EXOC4: variants seen among roughly 807,000 people sequenced by gnomAD.
EXOC4 encodes exocyst complex component 4.
Under a neutral mutation model 107.2 loss-of-function variants are expected in EXOC4, and 71 were observed. That is an observed-to-expected ratio of 0.66 (90% CI 0.55 to 0.81). The LOEUF is 0.81. Ranked by LOEUF, EXOC4 falls within the 30% of genes least tolerant of loss-of-function variation. EXOC4 has a pLI of 0.00. For synonymous variants in EXOC4, 456 were observed against 441.2 expected (o/e 1.03, Z -0.42); for missense variants, 1,108 against 1,189.6 (o/e 0.93, Z 1.01).
intron 11 of EXOC4, among the ~76,000 whole-genome samples, chr7:133,866,738 T>A (rs1798649104): frequency 6.6e-6 from 1 of 152,216 alleles, no homozygotes; most frequent in African/African-American, 2.4e-5. Flanking sequence ...GTGCCAGCTT[T>A]ACTGAGATAA....
rs1349724374 is a variant in EXOC4 at position 133,257,427 on chromosome 7, T to G, written c.86+4240T>G. On this transcript the variant is annotated intron_variant, in intron 1 of 17. Transcript: ENST00000253861. ...TTTCTACTTTTCTGTTGATTTCCTT[T>G]GCCAACCTTTTGTTTGGTGGGAAGT... Among the ~76,000 whole-genome samples, 3 of 152,164 alleles carry G rather than the reference T, an allele frequency of 2.0e-5. No individual in the cohort carries two copies. The East Asian group carries it at 5.8e-4, about 29-fold the overall frequency.
At chr7:134,049,934 C>G (rs1304871989) in intron 17 of EXOC4, among the ~76,000 whole-genome samples, 1 of 152,154 alleles carries the variant, frequency 6.6e-6, no homozygotes, top group Non-Finnish European at 1.5e-5. Context: ...TTAATAAATA[C>G]TAATAATGGT....
At chr7:133,592,588 G>A (rs925286272) in intron 9 of EXOC4, among the ~76,000 whole-genome samples, 4 of 151,996 alleles carry the variant, frequency 2.6e-5, no homozygotes, top group Admixed American at 6.6e-5. Flanking sequence ...AATTACAGGC[G>A]TGTGCCACCA....
At chr7:133,738,292 A>G (rs1440485890) in intron 10 of EXOC4, among the ~76,000 whole-genome samples, 2 of 152,060 alleles carry the variant, frequency 1.3e-5, no homozygotes, top group Admixed American at 6.6e-5. Context: ...AACAATGTCA[A>G]TCTATTTGAG....
At position 133,317,281 on chromosome 7, in the gene EXOC4, C is replaced by T. The variant is rs1795010850; in HGVS notation, c.657-3C>T. 1.9e-6 allele frequency: 3 copies of T among 1,608,168 alleles called. No homozygotes were observed. The highest frequency in any genetic ancestry group is 2.6e-6 in the Non-Finnish European group (3 of 1,174,896). On this transcript the variant is annotated splice_region_variant and splice_polypyrimidine_tract_variant and intron_variant, in intron 4 of 17. Coordinates refer to ENST00000253861, the MANE Select transcript of EXOC4 (RefSeq NM_021807.4). ...GGTAACTAGTGCTTCTTTTCCCGTT[C>T]AGCTCCCTCGTGAAAGATGCTTCTG... is the stretch of plus-strand genomic sequence containing the variant.
chr7:133,605,305 TA>T (rs1801914328), intron 9 of EXOC4, among the ~76,000 whole-genome samples: 1 of 152,166 alleles, frequency 6.6e-6, no homozygotes, highest in Non-Finnish European at 1.5e-5. Flanking sequence ...ATAAAATTTA[TA>T]ATATAATATT....
At chr7:133,967,100 A>G (rs1345661487) in intron 14 of EXOC4, among the ~76,000 whole-genome samples, 1 of 152,110 alleles carries the variant, frequency 6.6e-6, no homozygotes, top group African/African-American at 2.4e-5. Flanking sequence ...TGGATTTTCT[A>G]GTTTATTCAC....
intron 11 of EXOC4, among the ~76,000 whole-genome samples, chr7:133,861,872 G>A (rs1231372555): frequency 6.6e-6 from 1 of 152,166 alleles, no homozygotes; most frequent in Non-Finnish European, 1.5e-5. Context: ...GGGTGATTCT[G>A]TTGAAGGTGT....
intron 10 of EXOC4, among the ~76,000 whole-genome samples, chr7:133,658,926 T>G (rs753047917): frequency 6.6e-6 from 1 of 151,702 alleles, no homozygotes; most frequent in Non-Finnish European, 1.5e-5. Flanking sequence ...GATCTTTTGG[T>G]TTAGTTTCAG....
chr7:133,411,048 G>T (rs1797343980), intron 7 of EXOC4, among the ~76,000 whole-genome samples: 1 of 152,090 alleles, frequency 6.6e-6, no homozygotes, highest in South Asian at 2.1e-4. Context: ...CACTACATTG[G>T]ATGGGACTGT....
At chr7:133,589,750 G>A (rs1385636774) in intron 9 of EXOC4, among the ~76,000 whole-genome samples, 3 of 152,156 alleles carry the variant, frequency 2.0e-5, no homozygotes, top group Non-Finnish European at 4.4e-5. Flanking sequence ...CTCACAAATG[G>A]ATGGGGATGG....
chr7:133,861,488 TC>T (rs1245294975), intron 11 of EXOC4, among the ~76,000 whole-genome samples: 5 of 152,138 alleles, frequency 3.3e-5, no homozygotes, highest in African/African-American at 1.2e-4. Flanking sequence ...AGATTCTGAT[TC>T]TCTGCATCTG....
intron 9 of EXOC4, chr7:133,551,580 G>A (rs773133643): frequency 2.0e-5 from 3 of 152,072 alleles, no homozygotes; most frequent in Non-Finnish European, 2.9e-5. Flanking sequence ...TCTAGAGCAC[G>A]AGTACAGAGA....
chr7:133,735,603 A>G (rs1274214961), intron 10 of EXOC4, among the ~76,000 whole-genome samples: 1 of 152,098 alleles, frequency 6.6e-6, no homozygotes, highest in African/African-American at 2.4e-5. Context: ...GCATGACTCT[A>G]TTCTACTCAA....
At chr7:134,094,326 A>G in the EXOC4 span, among the ~76,000 whole-genome samples, 2 of 152,206 alleles carry the variant, frequency 1.3e-5, no homozygotes, top group Non-Finnish European at 2.9e-5. Context: ...AAATGCATAA[A>G]TTCCTGGAAA....
At position 133,875,861 on chromosome 7, in the gene EXOC4, C is replaced by A. The variant is rs191692481; in HGVS notation, c.1735-19738C>A. On this transcript the variant is annotated intron_variant, in intron 11 of 17. Coordinates refer to ENST00000253861, the MANE Select transcript of EXOC4 (RefSeq NM_021807.4). Reference sequence around the variant, plus strand: ...TGATACACCTGGCATCATGGACTACCTGAAAAGATTGAAGTTACTGCTTTT... The same window carrying A: ...TGATACACCTGGCATCATGGACTACATGAAAAGATTGAAGTTACTGCTTTT... 7.2e-5 allele frequency among the ~76,000 whole-genome samples: 11 copies of A among 152,276 alleles called. No individual in the cohort carries two copies. The East Asian group carries it at 2.1e-3, about 29-fold the overall frequency.
chr7:133,945,799 T>C (rs1800536379), intron 14 of EXOC4, among the ~76,000 whole-genome samples: 1 of 152,206 alleles, frequency 6.6e-6, no homozygotes, highest in African/African-American at 2.4e-5. Flanking sequence ...AATATTCTCA[T>C]GCTAGAGCTC....
In EXOC4 at chr7:133,698,856, A is replaced by G. The variant is rs115200813; in HGVS notation, c.1514+68715A>G. On this transcript the variant is annotated intron_variant, in intron 10 of 17. Coordinates refer to ENST00000253861, the MANE Select transcript of EXOC4 (RefSeq NM_021807.4). ...TATTTGTGTATGATGTGTGTCTGCAATATGGAAATTAAAAGCTGACTGTAA... is the reference window on the plus strand; with the variant it reads ...TATTTGTGTATGATGTGTGTCTGCAGTATGGAAATTAAAAGCTGACTGTAA... Among the ~76,000 whole-genome samples the G allele has an allele frequency of 9.4e-3, 1,436 of 152,296 alleles. 25 individuals carry two copies. The highest frequency in any genetic ancestry group is 0.032 in the African/African-American group (1,331 of 41,558).
At chr7:133,549,952 G>T (rs1227109613) in intron 9 of EXOC4, among the ~76,000 whole-genome samples, 1 of 152,068 alleles carries the variant, frequency 6.6e-6, no homozygotes, top group Non-Finnish European at 1.5e-5. Context: ...ACATTTTTAA[G>T]TTTGAAATTT....
Sources: gnomAD v4.1 joint callset for allele counts (sites outside exome capture counted in the v4.1 genomes callset) on GRCh38, gnomAD v4.1.1 for gene constraint, MANE v1.5 for transcripts, NCBI Gene and HGNC (gene_info 2026-07-23, HGNC 2026-07-21) for gene names.